The following CLSTN2 variants were observed in gnomAD, a reference collection of about 807,000 sequenced individuals.
CLSTN2 encodes calsyntenin 2.
Under a neutral mutation model 101.2 loss-of-function variants are expected in CLSTN2, and 48 were observed. The observed-to-expected ratio is 0.47, with a 90% confidence interval of 0.38 to 0.60. CLSTN2 has a LOEUF of 0.60. Ranked by LOEUF, CLSTN2 falls within the 20% of genes least tolerant of loss-of-function variation. The pLI, the probability that CLSTN2 is intolerant of heterozygous loss-of-function variation, is 0.00. For synonymous variants in CLSTN2, 481 were observed against 463.6 expected, an observed-to-expected ratio of 1.04 and a Z score of -0.48; for missense variants, 1,160 against 1,238.2, an observed-to-expected ratio of 0.94 and a Z score of 0.95.
chr3:140,299,002 C>A (rs2087029189), intron 2 of CLSTN2, among the ~76,000 whole-genome samples: 1 of 152,174 alleles, frequency 6.6e-6, no homozygotes, highest in Admixed American at 6.5e-5. Context: ...TGGTCCCTGA[C>A]CCTCTTCCCC....
At chr3:139,991,666 A>T (rs61122280) in intron 1 of CLSTN2, among the ~76,000 whole-genome samples, 1 of 152,226 alleles carries the variant, frequency 6.6e-6, no homozygotes, top group African/African-American at 2.4e-5. Flanking sequence ...CCCTCGGGAT[A>T]TGGTGATATT....
At chr3:140,338,961 C>T (rs138190694) in intron 2 of CLSTN2, among the ~76,000 whole-genome samples, 28 of 152,284 alleles carry the variant, frequency 1.8e-4, no homozygotes, top group East Asian at 1.7e-3. Flanking sequence ...TGAGTATTCC[C>T]GCCGCCTGAC....
chr3:140,308,085 C>T (rs1035315898), intron 2 of CLSTN2, among the ~76,000 whole-genome samples: 6 of 152,100 alleles, frequency 3.9e-5, no homozygotes, highest in African/African-American at 7.2e-5. Context: ...ATTTGCTGAA[C>T]GTTGAACCTT....
intron 5 of CLSTN2, among the ~76,000 whole-genome samples, chr3:140,429,685 C>A (rs1304330975): frequency 6.6e-6 from 1 of 152,146 alleles, no homozygotes; most frequent in Non-Finnish European, 1.5e-5. Context: ...TGCAGAGACT[C>A]AGGGGAGGGA....
intron 4 of CLSTN2, among the ~76,000 whole-genome samples, chr3:140,414,136 A>G (rs2088399556): frequency 6.6e-6 from 1 of 152,120 alleles, no homozygotes; most frequent in Non-Finnish European, 1.5e-5. Flanking sequence ...ATGATTTTAC[A>G]TAGAGAAAAC....
At chr3:140,149,398 A>T (rs1482489756) in intron 1 of CLSTN2, among the ~76,000 whole-genome samples, 1 of 152,138 alleles carries the variant, frequency 6.6e-6, no homozygotes, top group Non-Finnish European at 1.5e-5. Flanking sequence ...CTTCCTCTTC[A>T]CCCATGAGTA....
At chr3:140,354,851 A>T (rs1005924616) in intron 2 of CLSTN2, among the ~76,000 whole-genome samples, 1 of 152,220 alleles carries the variant, frequency 6.6e-6, no homozygotes, top group Admixed American at 6.5e-5. Flanking sequence ...CCGGGTCAAC[A>T]TTTACCTTTA....
At chr3:140,426,839 T>C (rs1444232762) in intron 5 of CLSTN2, among the ~76,000 whole-genome samples, 1 of 152,176 alleles carries the variant, frequency 6.6e-6, no homozygotes, top group East Asian at 1.9e-4. Context: ...TATGGTATTT[T>C]CCACCTTTAG....
chr3:140,141,182 G>T (rs1221691355), intron 1 of CLSTN2, among the ~76,000 whole-genome samples: 2 of 152,224 alleles, frequency 1.3e-5, no homozygotes, highest in Non-Finnish European at 2.9e-5. Context: ...GTCACAGGAT[G>T]AGTCTGAGAG....
chr3:140,136,308 C>T (rs942103174), intron 1 of CLSTN2, among the ~76,000 whole-genome samples: 6 of 152,176 alleles, frequency 3.9e-5, no homozygotes, highest in African/African-American at 1.4e-4. Context: ...AAACTTAACT[C>T]CACCTCTTAA....
At chr3:140,059,960 G>A (rs930428363) in intron 1 of CLSTN2, among the ~76,000 whole-genome samples, 1 of 152,134 alleles carries the variant, frequency 6.6e-6, no homozygotes, top group African/African-American at 2.4e-5. Context: ...GGAGGAACTG[G>A]CATAATACCC....
At chr3:140,552,901 T>C (rs1250867568) in intron 10 of CLSTN2, among the ~76,000 whole-genome samples, 1 of 152,182 alleles carries the variant, frequency 6.6e-6, no homozygotes, top group Non-Finnish European at 1.5e-5. Flanking sequence ...AAAAACCTTT[T>C]AAAACATAGA....
rs760137301 is a variant in CLSTN2 at position 140,135,740 on chromosome 3, G to A, written c.110-40211G>A. Among the ~76,000 whole-genome samples the A allele has an allele frequency of 5.3e-5, 8 of 152,162 alleles. No individual in the cohort carries two copies. In the South Asian group the frequency reaches 1.2e-3, roughly 24 times the overall value. The stretch of plus-strand genomic sequence containing the variant: ...TGGAAACATTTTGTAAACTGAGATC[G>A]GAGTATATGGCTCAACTATAATTTT... On this transcript the variant is annotated intron_variant, in intron 1 of 16. Coordinates refer to ENST00000458420, the MANE Select transcript of CLSTN2 (RefSeq NM_022131.3).
intron 2 of CLSTN2, among the ~76,000 whole-genome samples, chr3:140,315,853 G>A (rs1175523137): frequency 6.6e-6 from 1 of 152,202 alleles, no homozygotes; most frequent in African/African-American, 2.4e-5. Context: ...GCATGGCACA[G>A]TGTCAGGGTA....
chr3:140,177,015 G>A (rs1283283534), intron 2 of CLSTN2, among the ~76,000 whole-genome samples: 1 of 152,150 alleles, frequency 6.6e-6, no homozygotes, highest in Non-Finnish European at 1.5e-5. Context: ...TAAGCTTTGT[G>A]AAGACATCTT....
rs543011229 is a variant in CLSTN2 at position 140,001,442 on chromosome 3, A to AT, written c.109+65969dup. 5.6e-3 allele frequency among the ~76,000 whole-genome samples: 820 copies of AT among 145,244 alleles called. 2 individuals carry two copies. The highest frequency in any genetic ancestry group is 0.014 in the African/African-American group (542 of 39,512). ...GTTCTAGTTTCTGTGCCAGTTCTCC[A>AT]TTTTTTTTTTATCTTTTATTTTCTT... On this transcript the variant is annotated intron_variant, in intron 1 of 16. Coordinates refer to ENST00000458420, the MANE Select transcript of CLSTN2 (RefSeq NM_022131.3).
In CLSTN2 at chr3:140,161,733, C is replaced by T. The variant is rs147680518; in HGVS notation, c.110-14218C>T. Reference sequence around the variant, plus strand: ...TCCCCACTCTCTTCCTCCCCTTACACTCACACTCTTTCCTACCTGAGCAGC... The same window carrying T: ...TCCCCACTCTCTTCCTCCCCTTACATTCACACTCTTTCCTACCTGAGCAGC... On this transcript the variant is annotated intron_variant, in intron 1 of 16. Coordinates refer to ENST00000458420, the MANE Select transcript of CLSTN2 (RefSeq NM_022131.3). Among the ~76,000 whole-genome samples, 343 of 152,124 alleles carry T rather than the reference C, an allele frequency of 2.3e-3. 1 individual carries two copies. Among genetic ancestry groups the T allele is most frequent in the African/African-American group, 7.8e-3 (325 of 41,516 alleles).
chr3:140,507,397 A>T (rs139351924), intron 8 of CLSTN2: 90 of 152,324 alleles, frequency 5.9e-4, no homozygotes, highest in African/African-American at 2.0e-3. Context: ...CAGCCTCAAC[A>T]TGGAACTGTG....
At chr3:140,179,314 C>CT (rs559670991) in intron 2 of CLSTN2, among the ~76,000 whole-genome samples, 94 of 143,734 alleles carry the variant, frequency 6.5e-4, no homozygotes, top group East Asian at 1.6e-3. Context: ...ATTTTTCTAC[C>CT]TTTTTTTTTT....
Sources: allele counts gnomAD v4.1 joint callset (sites outside exome capture counted in the v4.1 genomes callset), GRCh38; gene constraint gnomAD v4.1.1; transcripts MANE v1.5; gene names NCBI Gene and HGNC (gene_info 2026-07-23, HGNC 2026-07-21).